GLIS3: variants seen among roughly 807,000 people sequenced by gnomAD.
GLIS3 encodes zinc finger protein GLIS3.
In GLIS3, 53 loss-of-function variants were observed where a neutral mutation model predicts 78.6. The ratio of observed to expected loss-of-function variants is 0.67; its 90% CI spans 0.54 to 0.85. GLIS3 has a LOEUF of 0.85. GLIS3 is among the 40% of genes least tolerant of loss of function. GLIS3 has a pLI of 0.00. For synonymous variants in GLIS3, 684 were observed against 509.9 expected, an observed-to-expected ratio of 1.34 and a Z score of -4.60; for missense variants, 1,703 against 1,231.1, an observed-to-expected ratio of 1.38 and a Z score of -5.74.
intron 4 of GLIS3, among the ~76,000 whole-genome samples, chr9:4,040,866 C>T (rs542660904): frequency 2.0e-5 from 3 of 152,280 alleles, no homozygotes; most frequent in Non-Finnish European, 1.5e-5. Context: ...AACAGTGGTT[C>T]TCAAAGGTGG....
At chr9:4,404,330 CA>C in the GLIS3 span, among the ~76,000 whole-genome samples, 15 of 152,152 alleles carry the variant, frequency 9.9e-5, no homozygotes, top group Non-Finnish European at 1.5e-5. Context: ...AGGAAATCAA[CA>C]AATAAACATT....
At chr9:4,361,094 C>T in the GLIS3 span, among the ~76,000 whole-genome samples, 60 of 152,348 alleles carry the variant, frequency 3.9e-4, no homozygotes, top group Non-Finnish European at 6.5e-4. Context: ...TGCTGTGGAA[C>T]ACCTTTGGTC....
rs768082716 is a variant in GLIS3, at chr9:4,281,498, C to G, written c.388+4540G>C. Among the ~76,000 whole-genome samples, 3 of 152,182 alleles carry G rather than the reference C, an allele frequency of 2.0e-5. No individual in the cohort carries two copies. The South Asian group carries it at 6.2e-4, about 32-fold the overall frequency. On this transcript the variant is annotated intron_variant, in intron 2 of 10. Transcript: ENST00000381971. ...CTCTTTCTGACTATATGAATTTGAC[C>G]ATTCCAGGAACTTCATACAAAAGGA...
chr9:4,332,607 G>A (rs2130568699), intron 2 of GLIS3, among the ~76,000 whole-genome samples: 1 of 152,306 alleles, frequency 6.6e-6, no homozygotes, highest in South Asian at 2.1e-4. Context: ...TGGGGCTCTG[G>A]ATGCCTTCTT....
chr9:4,277,144 C>G (rs1277342867), intron 2 of GLIS3, among the ~76,000 whole-genome samples: 1 of 152,170 alleles, frequency 6.6e-6, no homozygotes, highest in African/African-American at 2.4e-5. Context: ...AACATGGCTG[C>G]ATTCAACACG....
At position 3,824,535 on chromosome 9, in the gene GLIS3, TAAAA is replaced by T. The variant is rs1266357336; in HGVS notation, c.*3733_*3736del. 2.0e-5 allele frequency: 3 copies of T among 152,192 alleles called. No homozygotes were observed. The highest frequency in any genetic ancestry group is 2.1e-4 in the South Asian group (1 of 4,824). The allele number at this position is 152,192 out of a possible 1,614,324, so 9.4% of individuals were successfully genotyped here. A position where few individuals can be genotyped will look rare whatever the true frequency, so the allele number is the denominator to read the frequency against. On this transcript the variant is annotated 3_prime_UTR_variant, in exon 11 of 11. Coordinates refer to ENST00000381971, the MANE Select transcript of GLIS3 (RefSeq NM_001042413.2). ...CAATCCCTTCATTTTACTTTTGACA[TAAAA>T]AAAGGACTTCATGAACAAGACAAAA...
rs572771450 is a variant in GLIS3 at position 3,921,441 on chromosome 9, C to G, written c.1983+10919G>C. Among the ~76,000 whole-genome samples the G allele has an allele frequency of 3.9e-5, 6 of 152,316 alleles. No homozygotes were observed. The East Asian group carries it at 1.2e-3, about 29-fold the overall frequency. ...CAGAGTCAGAGCTAAGATTCAAACTCAGTCAGGCACAGTTCCAAAGCCTTA... is the reference window on the plus strand; with the variant it reads ...CAGAGTCAGAGCTAAGATTCAAACTGAGTCAGGCACAGTTCCAAAGCCTTA... On this transcript the variant is annotated intron_variant, in intron 6 of 10. Coordinates refer to ENST00000381971, the MANE Select transcript of GLIS3 (RefSeq NM_001042413.2).
chr9:4,354,085 C>G, the GLIS3 span, among the ~76,000 whole-genome samples: 21 of 151,712 alleles, frequency 1.4e-4, no homozygotes, highest in African/African-American at 4.8e-4. Flanking sequence ...ATCCGCCTGC[C>G]TCAGCCTCCC....
At chr9:4,259,791 T>C (rs1423144264) in intron 2 of GLIS3, among the ~76,000 whole-genome samples, 3 of 152,196 alleles carry the variant, frequency 2.0e-5, no homozygotes, top group Non-Finnish European at 2.9e-5. Context: ...TGTATCCCAA[T>C]TGCTGGCTTT....
intron 8 of GLIS3, among the ~76,000 whole-genome samples, chr9:3,857,958 G>T (rs1051846835): frequency 6.6e-6 from 1 of 152,118 alleles, no homozygotes; most frequent in African/African-American, 2.4e-5. Flanking sequence ...AGACTTTAGG[G>T]GCAGAAGGAA....
chr9:3,935,476 C>G (rs1033453963), intron 5 of GLIS3, among the ~76,000 whole-genome samples: 1 of 152,100 alleles, frequency 6.6e-6, no homozygotes, highest in Non-Finnish European at 1.5e-5. Context: ...TGAAAATGCT[C>G]TTAGCTTGAT....
intron 8 of GLIS3, among the ~76,000 whole-genome samples, chr9:3,871,834 C>T (rs1347360248): frequency 3.9e-5 from 6 of 152,300 alleles, no homozygotes; most frequent in South Asian, 4.1e-4. Context: ...TTTGGCTCCT[C>T]GTTACTTATG....
chr9:4,055,707 A>T (rs949926738), intron 4 of GLIS3, among the ~76,000 whole-genome samples: 1 of 152,190 alleles, frequency 6.6e-6, no homozygotes, highest in Non-Finnish European at 1.5e-5. Context: ...ATCAGGTCCA[A>T]AATAAAATGC....
the GLIS3 span, among the ~76,000 whole-genome samples, chr9:4,366,015 G>C: frequency 0.025 from 3,819 of 152,270 alleles, 176 homozygotes; most frequent in African/African-American, 0.088. Flanking sequence ...AGGAGAGCTA[G>C]CAGGGAAGGA....
chr9:4,406,152 T>G, the GLIS3 span, among the ~76,000 whole-genome samples: 2,193 of 152,212 alleles, frequency 0.014, 18 homozygotes, highest in Middle Eastern at 0.082. Flanking sequence ...CCTTTCTTCT[T>G]AGATCTGGAA....
chr9:3,945,600 T>C (rs1816239264), intron 4 of GLIS3, among the ~76,000 whole-genome samples: 1 of 152,192 alleles, frequency 6.6e-6, no homozygotes, highest in African/African-American at 2.4e-5. Flanking sequence ...TTATTTTCTA[T>C]ATATAAAAAT....
intron 2 of GLIS3, among the ~76,000 whole-genome samples, chr9:4,237,400 A>G (rs1006469118): frequency 6.6e-6 from 1 of 152,254 alleles, no homozygotes; most frequent in Non-Finnish European, 1.5e-5. Context: ...AATTAAGTCT[A>G]TAATATAACT....
intron 2 of GLIS3, among the ~76,000 whole-genome samples, chr9:4,169,654 T>C (rs1586866176): frequency 6.6e-6 from 1 of 152,172 alleles, no homozygotes; most frequent in Non-Finnish European, 1.5e-5. Flanking sequence ...TAAGAAAATG[T>C]GCATGTTTGT....
At chr9:4,117,445 T>C (rs1028770417) in intron 4 of GLIS3, among the ~76,000 whole-genome samples, 5 of 152,252 alleles carry the variant, frequency 3.3e-5, no homozygotes, top group African/African-American at 4.8e-5. Context: ...ATCTGTGTCC[T>C]TCTGCTCTTG....
Sources: gnomAD v4.1 joint callset for allele counts (sites outside exome capture counted in the v4.1 genomes callset) on GRCh38, gnomAD v4.1.1 for gene constraint, MANE v1.5 for transcripts, NCBI Gene and HGNC (gene_info 2026-07-23, HGNC 2026-07-21) for gene names.